GANAB: variants seen among roughly 807,000 people sequenced by gnomAD.
GANAB encodes glucosidase II alpha subunit.
Under a neutral mutation model 129.9 loss-of-function variants are expected in GANAB, and 35 were observed. The observed-to-expected ratio is 0.27, with a 90% CI of 0.21 to 0.36. The LOEUF (loss-of-function observed/expected upper bound fraction) is 0.36. Ranked by LOEUF, GANAB falls within the 10% of genes least tolerant of loss-of-function variation. The probability of loss-of-function intolerance (pLI) is 1.00; values close to 1 mark genes in which losing one functional copy is unlikely to be tolerated. For missense variants in GANAB, 939 were observed against 1,221.0 expected, an observed-to-expected ratio of 0.77 and a Z score of 3.44; for synonymous variants, 482 against 451.8, an observed-to-expected ratio of 1.07 and a Z score of -0.85.
At chr11:62,634,736 C>G in intron 5 of GANAB, 85 bp downstream of exon 5, 2 of 1,146,066 alleles carry the variant, frequency 1.7e-6, no homozygotes, top group South Asian at 2.8e-5. Context: ...GCTGTCCCAC[C>G]ACCGTCTCCT....
Position 62,630,768 on chromosome 11 carries a change from C to A in GANAB, c.1219G>T (p.Ala407Ser), listed in dbSNP as rs896336681. Residue 407 changes from alanine (A) to serine (S), a missense_variant, in exon 11 of 24, where the codon GCT becomes TCT. Coordinates refer to ENST00000356638, the MANE Select transcript of GANAB (RefSeq NM_198334.3). ...CCCTGATCCACTTCCAGCACATCAG[C>A]CTCGTCCCGGTAGTTCCAACGGCTC... ...HQSRWNYRDE[A>S]DVLEVDQGFD... 6.2e-7 allele frequency: 1 copy of A among 1,614,136 alleles called. No homozygotes were observed. Among genetic ancestry groups the A allele is most frequent in the Non-Finnish European group, 8.5e-7 (1 of 1,180,026 alleles).
chr11:62,625,966 CTA>C (rs1943352452), intron 23 of GANAB, 42 bp from the exon 24 acceptor site: 1 of 1,480,580 alleles, frequency 6.8e-7, no homozygotes, highest in Non-Finnish European at 9.5e-7. Context: ...TACCAATGGG[CTA>C]TAGCATAACA....
Position 62,630,827 on chromosome 11 carries a change from G to C in GANAB, c.1160C>G (p.Ala387Gly). The part of the protein sequence containing the change: ...RQYASLTGTQ[A>G]LPPLFSLGYH... Reference sequence around the variant, plus strand: ...GCCGAGGGAGAAGAGTGGGGGCAACGCCTGGGTTCCTGCAGGTTCATGAGG... The same window carrying C: ...GCCGAGGGAGAAGAGTGGGGGCAACCCCTGGGTTCCTGCAGGTTCATGAGG... Residue 387 changes from alanine (A) to glycine (G), a missense_variant, in exon 11 of 24, where the codon GCG (alanine) becomes GGG (glycine). Physicochemically the swap from Ala to Gly is moderately conservative, Grantham distance 60 (BLOSUM62 0). This residue lies in a region of GANAB where 220 missense variants were observed against 295.9 expected (regional missense o/e 0.74). Coordinates refer to ENST00000356638, the MANE Select transcript of GANAB (RefSeq NM_198334.3). 6.2e-7 allele frequency: 1 copy of C among 1,612,782 alleles called. No individual in the cohort carries two copies. Among genetic ancestry groups the C allele is most frequent in the South Asian group, 1.1e-5 (1 of 91,030 alleles).
chr11:62,639,554 C>G (rs538211488), intron 2 of GANAB, 73 bp downstream of exon 2: 3 of 1,420,300 alleles, frequency 2.1e-6, no homozygotes, highest in Non-Finnish European at 3.0e-6. Context: ...CTTAGGCACT[C>G]CATCTGCCAC....
Position 62,639,454 on chromosome 11 carries a change from T to C in GANAB, c.157A>G (p.Ile53Val), listed in dbSNP as rs1401141502. 5 of 1,613,008 alleles carry C rather than the reference T, an allele frequency of 3.1e-6. No homozygotes were observed. Among genetic ancestry groups the C allele is most frequent in the Non-Finnish European group, 4.2e-6 (5 of 1,179,154 alleles). ...ESSFCKRQRS[I>V]RPGLSPYRAL... ...CGGTATGGAGAGAGGCCTGGCCGTATGCTTCTCTGTCGCCTGCCAAGTGAA... is the reference window on the plus strand; with the variant it reads ...CGGTATGGAGAGAGGCCTGGCCGTACGCTTCTCTGTCGCCTGCCAAGTGAA... The change falls in exon 3 of 24, where the codon ATA (isoleucine) becomes GTA (valine). Residue 53 changes from isoleucine (I) to valine (V), a missense_variant. Physicochemically the swap from Ile to Val is conservative, Grantham distance 29 (BLOSUM62 3). This residue lies in a region of GANAB where 321 missense variants were observed against 329.1 expected (regional missense o/e 0.98). Coordinates refer to ENST00000356638, the MANE Select transcript of GANAB (RefSeq NM_198334.3).
chr11:62,633,327 C>T, intron 6 of GANAB, 56 bp from the exon 7 acceptor site: 1 of 1,546,680 alleles, frequency 6.5e-7, no homozygotes, highest in Non-Finnish European at 8.9e-7. Flanking sequence ...TCTTTCCCCG[C>T]TCCCATCAAC....
chr11:62,635,929 C>A (rs367657865), intron 4 of GANAB, among the ~76,000 whole-genome samples: 1 of 152,046 alleles, frequency 6.6e-6, no homozygotes, highest in Non-Finnish European at 1.5e-5. Context: ...CACGCCCAAC[C>A]CCTTGATATC....
chr11:62,627,693 C>G (rs1278182794), intron 17 of GANAB, among the ~76,000 whole-genome samples: 1 of 151,944 alleles, frequency 6.6e-6, no homozygotes. Context: ...AAGATCACAC[C>G]ATCGCACTCC....
At position 62,632,858 on chromosome 11, in the gene GANAB, T is replaced by C. The variant is rs1281925829; in HGVS notation, c.816-113A>G. On this transcript the variant is annotated intron_variant, in intron 8 of 23. Transcript: ENST00000356638. ...AAGCAAAGGCTCCTCTTGTCCTTTCTCAAAAAATTTTCTATCACCAAAGGT... is the reference window on the plus strand; with the variant it reads ...AAGCAAAGGCTCCTCTTGTCCTTTCCCAAAAAATTTTCTATCACCAAAGGT... The C allele has an allele frequency of 6.0e-5, 63 of 1,051,300 alleles. No individual in the cohort carries two copies. The South Asian group carries it at 8.7e-4, about 15-fold the overall frequency. The allele number at this position is 1,051,300 out of a possible 1,614,324, so 65.1% of individuals were successfully genotyped here. A position where few individuals can be genotyped will look rare whatever the true frequency, so the allele number is the denominator to read the frequency against.
intron 13 of GANAB, 65 bp downstream of exon 13, chr11:62,630,132 C>A: frequency 1.4e-6 from 2 of 1,402,322 alleles, no homozygotes; most frequent in Non-Finnish European, 2.0e-6. Flanking sequence ...GTTGGCAAGC[C>A]GAGAGAGATT....
At chr11:62,626,225 G>A (rs1943367261) in intron 22 of GANAB, 60 bp from the exon 23 acceptor site, 1 of 1,392,536 alleles carries the variant, frequency 7.2e-7, no homozygotes, top group Admixed American at 1.7e-5. Context: ...GAAGGAAGGA[G>A]GAGACCCAAA....
chr11:62,639,184 T>C, intron 3 of GANAB, 74 bp from the exon 4 acceptor site: 6 of 1,532,900 alleles, frequency 3.9e-6, no homozygotes, highest in Non-Finnish European at 1.8e-6. Context: ...ACCCATTCTC[T>C]CCTAAGGGGT....
chr11:62,636,687 C>T lies in GANAB; in HGVS notation c.381-1687G>A, dbSNP rs533748796. Among the ~76,000 whole-genome samples the T allele has an allele frequency of 2.0e-5, 3 of 152,126 alleles. No homozygotes were observed. The South Asian group carries it at 6.2e-4, about 32-fold the overall frequency. ...AAAAGTAGCCGGGTATAGTGACGCA[C>T]GCCTGTAGTCCCAGCTACTTGGGCA... On this transcript the variant is annotated intron_variant, in intron 4 of 23. Coordinates refer to ENST00000356638, the MANE Select transcript of GANAB (RefSeq NM_198334.3).
chr11:62,643,056 G>T (rs559841842), intron 1 of GANAB, among the ~76,000 whole-genome samples: 1 of 152,222 alleles, frequency 6.6e-6, no homozygotes, highest in African/African-American at 2.4e-5. Context: ...TCATCCCAAG[G>T]TTATCACGAA....
At chr11:62,631,279 G>GA (rs1943666144) in intron 9 of GANAB, 96 bp from the exon 10 acceptor site, 21 of 1,201,884 alleles carry the variant, frequency 1.7e-5, no homozygotes, top group Non-Finnish European at 2.2e-5. Context: ...AGTCCACACA[G>GA]AGCTGGCTCA....
In GANAB at chr11:62,632,992, C is replaced by T. The variant is rs1290674800; in HGVS notation, c.815+13G>A. The T allele has an allele frequency of 4.0e-6, 6 of 1,491,976 alleles. No homozygotes were observed. The highest frequency in any genetic ancestry group is 4.7e-6 in the Non-Finnish European group (5 of 1,069,048). 92.4% of individuals were successfully genotyped at this position (1,491,976 alleles called of 1,614,324 possible). On this transcript the variant is annotated intron_variant, in intron 8 of 23. Coordinates refer to ENST00000356638, the MANE Select transcript of GANAB (RefSeq NM_198334.3). The stretch of plus-strand genomic sequence containing the variant: ...GCCCACCTCCATCTTCCTGATGTCA[C>T]CATAGGACTCACTCAGTGACCTTCA...
At position 62,630,814 on chromosome 11, in the gene GANAB, G is replaced by A. The variant is rs775235861; in HGVS notation, c.1173C>T (p.Leu391=). 1.9e-6 allele frequency: 3 copies of A among 1,613,818 alleles called. No homozygotes were observed. The highest frequency in any genetic ancestry group is 2.5e-6 in the Non-Finnish European group (3 of 1,179,906). The part of the protein sequence containing the change: ...SLTGTQALPP[L]FSLGYHQSRW... ...GGCTCTGGTGGTAGCCGAGGGAGAA[G>A]AGTGGGGGCAACGCCTGGGTTCCTG... The change falls in exon 11 of 24, where the codon CTC becomes CTT. Residue 391 remains leucine (L), a synonymous_variant. Transcript: ENST00000356638.
At chr11:62,646,260 T>A (rs541775113) in intron 1 of GANAB, among the ~76,000 whole-genome samples, 1 of 152,112 alleles carries the variant, frequency 6.6e-6, no homozygotes, top group African/African-American at 2.4e-5. Flanking sequence ...GGCGGCGACG[T>A]TGACCGCCGC....
At chr11:62,634,188 C>G (rs1207841671) in intron 5 of GANAB, 8 of 706,420 alleles carry the variant, frequency 1.1e-5, no homozygotes, top group Admixed American at 2.2e-5. Context: ...AGACATCACA[C>G]AGCAGGGGAA....
Sources: allele counts gnomAD v4.1 joint callset (sites outside exome capture counted in the v4.1 genomes callset), GRCh38; gene constraint gnomAD v4.1.1; regional missense constraint gnomAD v4.1.1; transcripts MANE v1.5; gene names NCBI Gene and HGNC (gene_info 2026-07-23, HGNC 2026-07-21).